The following MCOLN2 variants were observed in gnomAD, a reference collection of about 807,000 sequenced individuals.
MCOLN2 encodes the protein mucolipin-2.
Under a neutral mutation model 67.5 loss-of-function variants are expected in MCOLN2, and 57 were observed. The ratio of observed to expected loss-of-function variants is 0.84; its 90% CI spans 0.68 to 1.05. The LOEUF is 1.05. Ranked by LOEUF, MCOLN2 falls within the 50% of genes least tolerant of loss-of-function variation. MCOLN2 has a pLI of 0.00. For synonymous variants in MCOLN2, 246 were observed against 233.3 expected (o/e 1.05, Z -0.50); for missense variants, 620 against 678.8 (o/e 0.91, Z 0.96).
chr1:84,931,699 G>T, intron 11 of MCOLN2, 131 bp from the exon 12 acceptor site: 1 of 742,372 alleles, frequency 1.3e-6, no homozygotes, highest in Non-Finnish European at 2.3e-6. Context: ...TAAGATGCTA[G>T]AACACCATAA....
chr1:84,980,117 A>C (rs1650182810), intron 1 of MCOLN2, among the ~76,000 whole-genome samples: 1 of 152,166 alleles, frequency 6.6e-6, no homozygotes, highest in Non-Finnish European at 1.5e-5. Context: ...CATCCAAAGA[A>C]GTGAAAGATC....
At chr1:84,947,153 C>T (rs373910235) in intron 6 of MCOLN2, 21 bp from the exon 7 acceptor site, 13 of 1,174,156 alleles carry the variant, frequency 1.1e-5, no homozygotes, top group African/African-American at 6.0e-5. Context: ...AAATGTATAG[C>T]GAGATTACAA....
At chr1:84,957,792 G>A (rs77894253) in intron 3 of MCOLN2, among the ~76,000 whole-genome samples, 7 of 152,060 alleles carry the variant, frequency 4.6e-5, no homozygotes, top group East Asian at 3.8e-4. Flanking sequence ...CTAGCTCTTC[G>A]TTCCAGAATT....
Position 84,952,336 on chromosome 1 carries a change from G to A in MCOLN2, c.654C>T (p.Leu218=), listed in dbSNP as rs1463713831. ...GATGAAAGGAGATTTCAACCTGTAA[G>A]AGCCTGAATAAAATATATTGAAAGG... The part of the protein sequence containing the change: ...SSFFRLEFYR[L]LQVEISFHLK... The change falls in exon 6 of 14, where the codon CTC becomes CTT. Residue 218 remains leucine (L), a synonymous_variant. Transcript: ENST00000370608. 1.2e-6 allele frequency: 2 copies of A among 1,611,458 alleles called. No homozygotes were observed. Among genetic ancestry groups the A allele is most frequent in the Admixed American group, 1.7e-5 (1 of 59,948 alleles).
intron 1 of MCOLN2, among the ~76,000 whole-genome samples, chr1:84,987,555 T>TATATATA: frequency 1.2e-5 from 1 of 82,646 alleles, no homozygotes; most frequent in African/African-American, 4.6e-5. Flanking sequence ...GATGTATACA[T>TATATATA]CTATGTATAC....
chr1:84,950,203 G>A (rs1371516027), intron 6 of MCOLN2, among the ~76,000 whole-genome samples: 1 of 152,148 alleles, frequency 6.6e-6, no homozygotes, highest in Non-Finnish European at 1.5e-5. Context: ...CACATCACAA[G>A]ATTTCTTCAC....
chr1:84,946,341 A>G (rs1419140333), intron 7 of MCOLN2, among the ~76,000 whole-genome samples: 1 of 152,024 alleles, frequency 6.6e-6, no homozygotes, highest in African/African-American at 2.4e-5. Context: ...TCACTAAGGC[A>G]TTTTCTTCCT....
At chr1:84,931,631 GTTAGC>G in intron 11 of MCOLN2, 63 bp from the exon 12 acceptor site, 1 of 1,358,234 alleles carries the variant, frequency 7.4e-7, no homozygotes, top group Non-Finnish European at 1.0e-6. Flanking sequence ...AGGATATCTA[GTTAGC>G]TTGTTTTGTT....
intron 1 of MCOLN2, among the ~76,000 whole-genome samples, chr1:84,995,617 C>T (rs1329146765): frequency 1.3e-5 from 2 of 151,930 alleles, no homozygotes; most frequent in East Asian, 1.9e-4. Flanking sequence ...TCTCTTTTTC[C>T]GCCGGTTTTA....
chr1:84,956,955 G>A (rs925268329), intron 3 of MCOLN2, among the ~76,000 whole-genome samples: 3 of 152,012 alleles, frequency 2.0e-5, no homozygotes, highest in African/African-American at 7.3e-5. Flanking sequence ...TGTTCCCTCT[G>A]CCTGGAGACC....
rs1557665043 is a variant in MCOLN2, at chr1:84,987,206, ATC to A, written c.77+9588_77+9589del. Reference sequence around the variant, plus strand: ...TATCTATCTATCTATCTATCTATCTATCTATATATATGGCATATATATACAGC... The same window carrying A: ...TATCTATCTATCTATCTATCTATCTATATATATATGGCATATATATACAGC... On this transcript the variant is annotated intron_variant, in intron 1 of 13. Transcript: ENST00000370608. Among the ~76,000 whole-genome samples, 771 of 100,794 alleles carry A rather than the reference ATC, an allele frequency of 7.6e-3. 26 individuals carry two copies. The Admixed American group carries it at 0.077, about 10-fold the overall frequency. 66.1% of individuals were successfully genotyped at this position (100,794 alleles called of 152,430 possible).
At chr1:84,927,028 A>G (rs1466105546) in intron 13 of MCOLN2, among the ~76,000 whole-genome samples, 1 of 150,398 alleles carries the variant, frequency 6.6e-6, no homozygotes, top group Admixed American at 6.6e-5. Flanking sequence ...AACATCGCAC[A>G]CGGGGAAATG....
At position 84,947,075 on chromosome 1, in the gene MCOLN2, C is replaced by A; in HGVS notation, c.805G>T (p.Ala269Ser). 1 of 1,601,290 alleles carries A rather than the reference C, an allele frequency of 6.2e-7. No homozygotes were observed. Reference sequence around the variant, plus strand: ...AAGTCTTTACATTCTTCAATTTTGGCATCACTGTCAAAATAGATTTTGATT... The same window carrying A: ...AAGTCTTTACATTCTTCAATTTTGGAATCACTGTCAAAATAGATTTTGATT... ...GKIKIYFDSDAKIEECKDLNI... is the reference protein window; with the variant it reads ...GKIKIYFDSDSKIEECKDLNI... The change falls in exon 7 of 14, where the codon GCC becomes TCC. Residue 269 changes from alanine (A) to serine (S), a missense_variant. Transcript: ENST00000370608.
chr1:84,929,909 G>A (rs1661324468), intron 12 of MCOLN2: 4 of 308,812 alleles, frequency 1.3e-5, no homozygotes, highest in South Asian at 1.6e-4. Flanking sequence ...AGAAAGCAGA[G>A]AAGAGCCAGG....
At chr1:84,963,749 G>C (rs1649223368) in intron 2 of MCOLN2, among the ~76,000 whole-genome samples, 4 of 152,278 alleles carry the variant, frequency 2.6e-5, no homozygotes, top group South Asian at 2.1e-4. Context: ...CCCCATGATT[G>C]TAAGTTTCCT....
chr1:84,936,936 G>C (rs1647465369), intron 11 of MCOLN2, among the ~76,000 whole-genome samples: 1 of 152,210 alleles, frequency 6.6e-6, no homozygotes, highest in Non-Finnish European at 1.5e-5. Context: ...GTTGTGGGGA[G>C]TAAATAAGAA....
chr1:84,935,860 C>T (rs546830488), intron 11 of MCOLN2, among the ~76,000 whole-genome samples: 15 of 152,254 alleles, frequency 9.9e-5, no homozygotes, highest in Non-Finnish European at 2.2e-4. Context: ...CATGAGGTGA[C>T]CTTGACACCA....
At chr1:84,980,946 T>TA (rs755431375) in intron 1 of MCOLN2, among the ~76,000 whole-genome samples, 4 of 152,078 alleles carry the variant, frequency 2.6e-5, no homozygotes, top group East Asian at 3.8e-4. Context: ...AACAATTCTA[T>TA]AAAAAATAAC....
At chr1:84,944,273 G>A (rs1466607215) in intron 7 of MCOLN2, among the ~76,000 whole-genome samples, 2 of 152,054 alleles carry the variant, frequency 1.3e-5, no homozygotes, top group Non-Finnish European at 2.9e-5. Flanking sequence ...GGTGGCTCAC[G>A]CCTGTAATCC....
Sources: allele counts gnomAD v4.1 joint callset (sites outside exome capture counted in the v4.1 genomes callset), GRCh38; gene constraint gnomAD v4.1.1; transcripts MANE v1.5; gene names NCBI Gene and HGNC (gene_info 2026-07-23, HGNC 2026-07-21).